ITGB4: variants seen among roughly 807,000 people sequenced by gnomAD.
ITGB4 encodes the protein integrin subunit beta 4.
ITGB4 carries 159 observed loss-of-function variants against 207.6 expected under a neutral mutation model. The ratio of observed to expected loss-of-function variants is 0.77; its 90% CI spans 0.67 to 0.87. The LOEUF (loss-of-function observed/expected upper bound fraction) is 0.87. Ranked by LOEUF, ITGB4 falls within the 40% of genes least tolerant of loss-of-function variation. ITGB4 has a pLI of 0.00. For missense variants in ITGB4, 2,278 were observed against 2,546.8 expected (o/e 0.89, Z 2.27); for synonymous variants, 1,020 against 1,062.7 (o/e 0.96, Z 0.78).
rs2061088111 is a variant in ITGB4 at position 75,740,702 on chromosome 17, A to T, written c.2551-91A>T. 7.1e-7 allele frequency: 1 copy of T among 1,413,878 alleles called. No homozygotes were observed. Among genetic ancestry groups the T allele is most frequent in the African/African-American group, 1.4e-5 (1 of 70,874 alleles). The allele number at this position is 1,413,878 out of a possible 1,614,324, so 87.6% of individuals were successfully genotyped here. The stretch of plus-strand genomic sequence containing the variant: ...CAGCCAACCCTGAGGATCTCTGGGT[A>T]CAGAGGCTGCCTGGCTCCCTGGGTC... On this transcript the variant is annotated intron_variant, in intron 21 of 39. Transcript: ENST00000200181. The surrounding 1 kb of genome is among the most constrained non-coding windows in gnomAD (Gnocchi z 5.9).
In ITGB4 at chr17:75,727,803, C is replaced by T. The variant is rs2060755186; in HGVS notation, c.417C>T (p.Ser139=). The change falls in exon 5 of 40, where the codon TCC becomes TCT. Residue 139 remains serine, a synonymous_variant. Coordinates refer to ENST00000200181, the MANE Select transcript of ITGB4 (RefSeq NM_000213.5). The surrounding 1 kb of genome is among the most constrained non-coding windows in gnomAD (Gnocchi z 6.0). ...PVDLYILMDF[S]NSMSDDLDNL... ...ACCTGTACATCCTCATGGACTTCTC[C>T]AACTCCATGTCCGATGATCTGGACA... The T allele has an allele frequency of 1.2e-6, 2 of 1,614,096 alleles. No individual in the cohort carries two copies. Among genetic ancestry groups the T allele is most frequent in the South Asian group, 2.2e-5 (2 of 91,072 alleles).
In ITGB4 at chr17:75,750,350, C is replaced by A; in HGVS notation, c.3474+82C>A. 7.2e-7 allele frequency: 1 copy of A among 1,384,598 alleles called. No homozygotes were observed. The highest frequency in any genetic ancestry group is 9.9e-7 in the Non-Finnish European group (1 of 1,012,350). The allele number at this position is 1,384,598 out of a possible 1,614,324, so 85.8% of individuals were successfully genotyped here. A position where few individuals can be genotyped will look rare whatever the true frequency, so the allele number is the denominator to read the frequency against. On this transcript the variant is annotated intron_variant, in intron 28 of 39. Transcript: ENST00000200181. This position sits in a 1 kb window ranked among gnomAD's most constrained non-coding sequence, Gnocchi z 5.5. The stretch of plus-strand genomic sequence containing the variant: ...CACAGAAGAGGTGGGCCGTCCAAGG[C>A]CAGGGCCCCCTGAGAGAGAGCAGAC...
chr17:75,721,808 G>A (rs1217284172), intron 1 of ITGB4, among the ~76,000 whole-genome samples, 196 bp downstream of exon 1: 1 of 152,216 alleles, frequency 6.6e-6, no homozygotes, highest in Admixed American at 6.5e-5. Flanking sequence ...CTAGAGAAGG[G>A]TGGTGCCCAT....
In ITGB4 at chr17:75,750,032, G is replaced by C; in HGVS notation, c.3317-79G>C. On this transcript the variant is annotated intron_variant, in intron 27 of 39. Transcript: ENST00000200181. This position sits in a 1 kb window ranked among gnomAD's most constrained non-coding sequence, Gnocchi z 5.5. ...GAATGCGCTGGGTAGAGCGCCCTGG[G>C]TGTTGAAGTGGGTCTCTGGCGCCCC... 13 of 1,570,792 alleles carry C rather than the reference G, an allele frequency of 8.3e-6. No homozygotes were observed. The highest frequency in any genetic ancestry group is 2.2e-5 in the South Asian group (2 of 90,084).
chr17:75,753,905 C>A lies in ITGB4; in HGVS notation c.4249C>A (p.Pro1417Thr). The A allele has an allele frequency of 7.7e-7, 1 of 1,292,870 alleles. No homozygotes were observed. The highest frequency in any genetic ancestry group is 9.7e-7 in the Non-Finnish European group (1 of 1,026,510). 80.1% of individuals were successfully genotyped at this position (1,292,870 alleles called of 1,614,324 possible). Residue 1417 changes from proline (P) to threonine (T), a missense_variant, in exon 33 of 40, where the codon CCG (proline) becomes ACG (threonine). Transcript: ENST00000200181. ...CGACGCCGAGGCGCCCCACGGGCCC[C>A]CGGACGACGGCGGCGCGGGCGGGAA... ...SSDAEAPHGPPDDGGAGGKGG... is the reference protein window; with the variant it reads ...SSDAEAPHGPTDDGGAGGKGG...
chr17:75,742,163 C>A lies in ITGB4; in HGVS notation c.2634-178C>A, dbSNP rs2061125500. On this transcript the variant is annotated intron_variant, in intron 23 of 39. Coordinates refer to ENST00000200181, the MANE Select transcript of ITGB4 (RefSeq NM_000213.5). The surrounding 1 kb of genome is among the most constrained non-coding windows in gnomAD (Gnocchi z 5.9). ...GGGAGGCGCCATGGCTGGGCTGAGG[C>A]TGCAGGGTAAAGGGTATGGGGCTGG... Among the ~76,000 whole-genome samples the A allele has an allele frequency of 6.6e-6, 1 of 152,250 alleles. No individual in the cohort carries two copies. The highest frequency in any genetic ancestry group is 2.4e-5 in the African/African-American group (1 of 41,476).
chr17:75,729,179 T>C lies in ITGB4; in HGVS notation c.567-86T>C. ...GTCTCAAAAAAAAAAAAAAAAATTC[T>C]CCTTCTAGTTGAAACGAGCCAGGGG... On this transcript the variant is annotated intron_variant, in intron 6 of 39. Coordinates refer to ENST00000200181, the MANE Select transcript of ITGB4 (RefSeq NM_000213.5). The surrounding 1 kb of genome is among the most constrained non-coding windows in gnomAD (Gnocchi z 4.4). 1 of 1,214,978 alleles carries C rather than the reference T, an allele frequency of 8.2e-7. No individual in the cohort carries two copies. Among genetic ancestry groups the C allele is most frequent in the Non-Finnish European group, 1.2e-6 (1 of 867,126 alleles). The allele number at this position is 1,214,978 out of a possible 1,614,324, so 75.3% of individuals were successfully genotyped here.
chr17:75,748,958 C>T lies in ITGB4; in HGVS notation c.3229C>T (p.Arg1077Cys), dbSNP rs777888955. 59 of 1,613,360 alleles carry T rather than the reference C, an allele frequency of 3.7e-5. No individual in the cohort carries two copies. The highest frequency in any genetic ancestry group is 1.6e-4 in the Middle Eastern group (1 of 6,082). ...VDSLLRGRQV[R>C]RFHVQLSNPK... ...CTCCCTCCTGCGGGGCCGCCAGGTC[C>T]GCCGTTTCCACGTCCAGCTCAGCAA... The change falls in exon 27 of 40, where the codon CGC (arginine) becomes TGC (cysteine). Residue 1077 changes from arginine (R) to cysteine (C), a missense_variant. Arg to Cys is a radical substitution (Grantham distance 180, BLOSUM62 -3). Transcript: ENST00000200181.
Position 75,731,443 on chromosome 17 carries a change from G to T in ITGB4, c.1215+75G>T. On this transcript the variant is annotated intron_variant, in intron 10 of 39. Coordinates refer to ENST00000200181, the MANE Select transcript of ITGB4 (RefSeq NM_000213.5). The surrounding 1 kb of genome is among the most constrained non-coding windows in gnomAD (Gnocchi z 6.8). ...ACCGAGTGGAATCGTTTAAAACAGC[G>T]GTCAAGAGCGTGGCCCCTGGAGTCA... 6.8e-7 allele frequency: 1 copy of T among 1,463,612 alleles called. No individual in the cohort carries two copies. The highest frequency in any genetic ancestry group is 9.3e-7 in the Non-Finnish European group (1 of 1,069,630). 90.7% of individuals were successfully genotyped at this position (1,463,612 alleles called of 1,614,324 possible).
chr17:75,757,503 C>T lies in ITGB4; in HGVS notation c.5417C>T (p.Thr1806Ile), dbSNP rs148061895. ...CAGGAGTTTGTGAGCCGGACACTGA[C>T]CACCAGCGGAACCCTTAGCACCCAC... ...VTQEFVSRTL[T>I]TSGTLSTHMD... The change falls in exon 40 of 40, where the codon ACC becomes ATC. Residue 1806 changes from threonine to isoleucine, a missense_variant. Thr to Ile is a moderately conservative substitution (Grantham distance 89). Transcript: ENST00000200181. 3.7e-6 allele frequency: 6 copies of T among 1,613,156 alleles called. No homozygotes were observed. In the African/African-American group the frequency reaches 8.0e-5, roughly 22 times the overall value.
rs1351487595 is a variant in ITGB4, at chr17:75,754,651, G to A, written c.4394G>A (p.Ser1465Asn). The stretch of plus-strand genomic sequence containing the variant: ...TCCCTGCACAGGATGACCACGACCA[G>A]TGCTGCTGCCTATGGCACCCACCTG... ...TNSLHRMTTT[S>N]AAAYGTHLSP... is the part of the protein sequence containing the mutation. The change falls in exon 34 of 40, where the codon AGT becomes AAT. Residue 1465 changes from serine to asparagine, a missense_variant. Coordinates refer to ENST00000200181, the MANE Select transcript of ITGB4 (RefSeq NM_000213.5). The A allele has an allele frequency of 6.2e-7, 1 of 1,613,990 alleles. No individual in the cohort carries two copies. Among genetic ancestry groups the A allele is most frequent in the Non-Finnish European group, 8.5e-7 (1 of 1,179,984 alleles).
intron 35 of ITGB4, among the ~76,000 whole-genome samples, chr17:75,756,141 G>T (rs1464942347): frequency 1.3e-5 from 2 of 152,200 alleles, no homozygotes; most frequent in African/African-American, 2.4e-5. Context: ...GGCCTGAGAT[G>T]CCTTTGGGGG....
rs1484463259 is a variant in ITGB4 at position 75,731,649 on chromosome 17, C to T, written c.1216-163C>T. Among the ~76,000 whole-genome samples the T allele has an allele frequency of 1.3e-5, 2 of 152,156 alleles. No individual in the cohort carries two copies. Among genetic ancestry groups the T allele is most frequent in the Non-Finnish European group, 2.9e-5 (2 of 68,006 alleles). On this transcript the variant is annotated intron_variant, in intron 10 of 39. Coordinates refer to ENST00000200181, the MANE Select transcript of ITGB4 (RefSeq NM_000213.5). The surrounding 1 kb of genome is among the most constrained non-coding windows in gnomAD (Gnocchi z 6.8). ...GTCATTGTCGCTATGATTGTGACTG[C>T]GCTGGGAAGGAGGGAGTTTCCAGCC...
Position 75,732,207 on chromosome 17 carries a change from C to T in ITGB4, c.1422C>T (p.Phe474=), listed in dbSNP as rs763561511. The change falls in exon 12 of 40, where the codon TTC becomes TTT. Residue 474 remains phenylalanine, a synonymous_variant. Coordinates refer to ENST00000200181, the MANE Select transcript of ITGB4 (RefSeq NM_000213.5). This position sits in a 1 kb window ranked among gnomAD's most constrained non-coding sequence, Gnocchi z 5.3. ...RSARCSFNGD[F]VCGQCVCSEG... is the part of the protein sequence containing the mutation. ...CTCGCTGCAGCTTCAACGGAGACTT[C>T]GTGTGCGGACAGTGTGTGTGCAGCG... 1.5e-5 allele frequency: 25 copies of T among 1,614,064 alleles called. No individual in the cohort carries two copies. Among genetic ancestry groups the T allele is most frequent in the Middle Eastern group, 1.6e-4 (1 of 6,062 alleles).
At chr17:75,741,157 T>C in intron 23 of ITGB4, 152 bp downstream of exon 23, 1 of 862,430 alleles carries the variant, frequency 1.2e-6, no homozygotes, top group Non-Finnish European at 1.9e-6. Context: ...TTCGTTCCTT[T>C]GACCATTTCT....
chr17:75,735,992 C>T (rs1715527444), intron 13 of ITGB4, 59 bp from the exon 14 acceptor site: 13 of 1,534,040 alleles, frequency 8.5e-6, no homozygotes, highest in South Asian at 7.8e-5. Flanking sequence ...GCCAGGTGGG[C>T]AGCCTGGACT....
rs963135505 is a variant in ITGB4 at position 75,724,652 on chromosome 17, T to C, written c.-10-42T>C. 13 of 1,408,786 alleles carry C rather than the reference T, an allele frequency of 9.2e-6. No homozygotes were observed. The Admixed American group carries it at 2.0e-4, about 22-fold the overall frequency. The allele number at this position is 1,408,786 out of a possible 1,614,324, so 87.3% of individuals were successfully genotyped here. A position where few individuals can be genotyped will look rare whatever the true frequency, so the allele number is the denominator to read the frequency against. On this transcript the variant is annotated intron_variant, in intron 1 of 39. Coordinates refer to ENST00000200181, the MANE Select transcript of ITGB4 (RefSeq NM_000213.5). ...GAGAGGAAGCTGACGGCACCGACCATGGCTGTGGAGGCCTCATGTGTCAAT... is the reference window on the plus strand; with the variant it reads ...GAGAGGAAGCTGACGGCACCGACCACGGCTGTGGAGGCCTCATGTGTCAAT...
At chr17:75,755,576 A>G in intron 34 of ITGB4, 125 bp from the exon 35 acceptor site, 2 of 1,228,766 alleles carry the variant, frequency 1.6e-6, no homozygotes, top group South Asian at 2.5e-5. Context: ...AGGGTGAGTG[A>G]GTTGTCCAGC....
intron 31 of ITGB4, 42 bp from the exon 32 acceptor site, chr17:75,752,404 G>GGGGCAGC: frequency 1.9e-6 from 3 of 1,612,838 alleles, no homozygotes; most frequent in Non-Finnish European, 2.5e-6. Flanking sequence ...AGGGGGGCAG[G>GGGGCAGC]GGGCAGCAGC....
Sources: gnomAD v4.1 joint callset for allele counts (sites outside exome capture counted in the v4.1 genomes callset) on GRCh38, gnomAD v4.1.1 for gene constraint, Gnocchi (gnomAD v3.1) non-coding constraint, MANE v1.5 for transcripts, NCBI Gene and HGNC (gene_info 2026-07-23, HGNC 2026-07-21) for gene names.